SORCS2: variants seen among roughly 807,000 people sequenced by gnomAD.
SORCS2 encodes sortilin related VPS10 domain containing receptor 2.
SORCS2 carries 100 observed loss-of-function variants against 141.6 expected under a neutral mutation model. The ratio of observed to expected loss-of-function variants is 0.71; its 90% CI spans 0.60 to 0.83. The LOEUF is 0.83. Ranked by LOEUF, SORCS2 falls within the 40% of genes least tolerant of loss-of-function variation. The pLI is 0.00. For synonymous variants in SORCS2, 789 were observed against 676.9 expected (o/e 1.17, Z -2.57); for missense variants, 1,646 against 1,560.2 (o/e 1.05, Z -0.93).
At chr4:7,640,028 CGTGA>C (rs1354305309) in intron 4 of SORCS2, among the ~76,000 whole-genome samples, 21 of 143,300 alleles carry the variant, frequency 1.5e-4, no homozygotes, top group Non-Finnish European at 2.7e-4. Flanking sequence ...GGAGTGTGTA[CGTGA>C]GTGTGCATGT....
intron 2 of SORCS2, among the ~76,000 whole-genome samples, chr4:7,474,137 C>A (rs79636461): frequency 0.023 from 3,480 of 152,230 alleles, 110 homozygotes; most frequent in African/African-American, 0.077. Flanking sequence ...CAGGGCCTCC[C>A]AGAGCCTGGC....
intron 12 of SORCS2, 33 bp downstream of exon 12, chr4:7,697,307 A>G: frequency 6.5e-7 from 1 of 1,540,034 alleles, no homozygotes; most frequent in Non-Finnish European, 8.8e-7. Flanking sequence ...GGTACCCCCC[A>G]CCCCATCCAG....
intron 1 of SORCS2, among the ~76,000 whole-genome samples, chr4:7,291,342 G>A (rs1716591413): frequency 1.3e-5 from 2 of 151,790 alleles, no homozygotes; most frequent in Admixed American, 1.3e-4. Flanking sequence ...GACGGGCCAC[G>A]GAGCCTGGAG....
rs1340633351 is a variant in SORCS2, at chr4:7,714,248, C to T, written c.1998C>T (p.Arg666=). Residue 666 remains arginine, a synonymous_variant, in exon 16 of 27, where the codon CGC becomes CGT. Coordinates refer to ENST00000507866, the MANE Select transcript of SORCS2 (RefSeq NM_020777.3). ...TGATGTTCCTGCTGCAGGGCGACCG[C>T]TGTATCATGGGCCAGCAGAGAAGTT... ...SWELSNLQGD[R]CIMGQQRSFR... 1 of 1,610,648 alleles carries T rather than the reference C, an allele frequency of 6.2e-7. No individual in the cohort carries two copies. Among genetic ancestry groups the T allele is most frequent in the Non-Finnish European group, 8.5e-7 (1 of 1,178,746 alleles).
At chr4:7,469,748 A>T in intron 2 of SORCS2, among the ~76,000 whole-genome samples, 1 of 152,040 alleles carries the variant, frequency 6.6e-6, no homozygotes, top group Admixed American at 6.6e-5. Context: ...TCCCCAGGTG[A>T]TTCCAATCTG....
At chr4:7,215,239 G>A (rs1194378088) in intron 1 of SORCS2, among the ~76,000 whole-genome samples, 2 of 152,202 alleles carry the variant, frequency 1.3e-5, no homozygotes, top group African/African-American at 4.8e-5. Context: ...GGCCGGCCCT[G>A]CTGGCCCCGG....
At chr4:7,729,560 A>T in intron 22 of SORCS2, 27 bp from the exon 23 acceptor site, 1 of 1,563,862 alleles carries the variant, frequency 6.4e-7, no homozygotes, top group Admixed American at 1.9e-5. Flanking sequence ...AGACAGGCGG[A>T]CCAAAGTGGC....
At chr4:7,525,519 G>A (rs1280926348) in intron 2 of SORCS2, among the ~76,000 whole-genome samples, 1 of 151,998 alleles carries the variant, frequency 6.6e-6, no homozygotes, top group Non-Finnish European at 1.5e-5. Flanking sequence ...CCCCCAAGCA[G>A]CATGGCACCT....
chr4:7,337,041 AAG>A (rs932240124), intron 1 of SORCS2, among the ~76,000 whole-genome samples: 31 of 152,278 alleles, frequency 2.0e-4, no homozygotes, highest in African/African-American at 7.5e-4. Flanking sequence ...CGTGGCTGAG[AAG>A]AGAGAGGCTG....
rs1460973081 is a variant in SORCS2, at chr4:7,741,402, T to A, written c.*1138T>A. The A allele has an allele frequency of 2.7e-6, 1 of 367,156 alleles. No homozygotes were observed. The highest frequency in any genetic ancestry group is 4.8e-6 in the Non-Finnish European group (1 of 208,814). 22.7% of individuals were successfully genotyped at this position (367,156 alleles called of 1,614,324 possible). A position where few individuals can be genotyped will look rare whatever the true frequency, so the allele number is the denominator to read the frequency against. On this transcript the variant is annotated 3_prime_UTR_variant, in exon 27 of 27. Coordinates refer to ENST00000507866, the MANE Select transcript of SORCS2 (RefSeq NM_020777.3). ...CTGTGCGGTCTCCACACCCTTACGG[T>A]TTCCTAGAATCAGGGATGTTAGTGT...
intron 1 of SORCS2, among the ~76,000 whole-genome samples, chr4:7,346,372 C>T (rs1720653906): frequency 6.6e-6 from 1 of 151,892 alleles, no homozygotes; most frequent in South Asian, 2.1e-4. Context: ...TATTGATTTC[C>T]AATTTGGCTC....
intron 1 of SORCS2, among the ~76,000 whole-genome samples, chr4:7,285,176 G>T (rs1160920398): frequency 6.6e-6 from 1 of 152,054 alleles, no homozygotes; most frequent in Non-Finnish European, 1.5e-5. Flanking sequence ...GGAATTACAG[G>T]TGCCTGCCAC....
intron 1 of SORCS2, among the ~76,000 whole-genome samples, chr4:7,380,158 C>A (rs915373722): frequency 6.6e-6 from 1 of 152,208 alleles, no homozygotes; most frequent in African/African-American, 2.4e-5. Flanking sequence ...CTGTCAGAGA[C>A]GTGCTCAGCC....
intron 3 of SORCS2, among the ~76,000 whole-genome samples, chr4:7,548,028 G>A (rs1490089970): frequency 6.6e-6 from 1 of 152,120 alleles, no homozygotes; most frequent in African/African-American, 2.4e-5. Flanking sequence ...CTTTCATCAT[G>A]AGCAATGTAG....
At chr4:7,394,202 C>T (rs776879341) in intron 1 of SORCS2, among the ~76,000 whole-genome samples, 5 of 152,182 alleles carry the variant, frequency 3.3e-5, no homozygotes, top group East Asian at 1.9e-4. Context: ...GGCCTCTGCC[C>T]GACTTCACTG....
intron 1 of SORCS2, among the ~76,000 whole-genome samples, chr4:7,319,696 AAAGT>A (rs1718778814): frequency 6.6e-6 from 1 of 152,232 alleles, no homozygotes; most frequent in Non-Finnish European, 1.5e-5. Flanking sequence ...TCTGGGCAAC[AAAGT>A]AAGACCCCAC....
chr4:7,278,715 C>G (rs1358753974), intron 1 of SORCS2, among the ~76,000 whole-genome samples: 1 of 152,208 alleles, frequency 6.6e-6, no homozygotes, highest in African/African-American at 2.4e-5. Context: ...CGGGGACATC[C>G]AGCACAGAGA....
chr4:7,423,517 C>T (rs1053478314), intron 2 of SORCS2, among the ~76,000 whole-genome samples: 29 of 152,176 alleles, frequency 1.9e-4, no homozygotes, highest in Non-Finnish European at 3.5e-4. Context: ...TGGCCCCAAG[C>T]AGTGCTCCCA....
At chr4:7,653,564 A>C (rs570837786) in intron 4 of SORCS2, among the ~76,000 whole-genome samples, 2 of 152,194 alleles carry the variant, frequency 1.3e-5, no homozygotes, top group Admixed American at 6.5e-5. Context: ...ATTATTAAGA[A>C]GTTCAAGTTG....
Sources: allele counts gnomAD v4.1 joint callset (sites outside exome capture counted in the v4.1 genomes callset), GRCh38; gene constraint gnomAD v4.1.1; transcripts MANE v1.5; gene names NCBI Gene and HGNC (gene_info 2026-07-23, HGNC 2026-07-21).